The following ANO10 variants were observed in gnomAD, a reference collection of about 807,000 sequenced individuals.
The protein encoded by ANO10 is anoctamin 10.
In ANO10, 77 loss-of-function variants were observed where a neutral mutation model predicts 74.7. The observed-to-expected ratio is 1.03, with a 90% CI of 0.86 to 1.25. The LOEUF (loss-of-function observed/expected upper bound fraction) is 1.25. Ranked by LOEUF, ANO10 falls within the 50% of genes most tolerant of loss-of-function variation. The pLI is 0.00. For missense variants in ANO10, 721 were observed against 778.1 expected, an observed-to-expected ratio of 0.93 and a Z score of 0.87; for synonymous variants, 279 against 284.9, an observed-to-expected ratio of 0.98 and a Z score of 0.21.
chr3:43,653,635 C>A (rs945704596), intron 1 of ANO10, among the ~76,000 whole-genome samples: 11 of 152,064 alleles, frequency 7.2e-5, no homozygotes, highest in Admixed American at 1.3e-4. Context: ...CTTATGAATT[C>A]TTGTGAAAAG....
rs567078589 is a variant in ANO10, at chr3:43,592,759, G to A, written c.472+5773C>T. On this transcript the variant is annotated intron_variant, in intron 4 of 12. Transcript: ENST00000292246. ...AAGCTGCACAGAGAATGACTTTGAC[G>A]AGTTGAGAGAAGAAGGCTTCAGAAG... Among the ~76,000 whole-genome samples the A allele has an allele frequency of 4.7e-4, 71 of 152,316 alleles. No homozygotes were observed. The South Asian group carries it at 6.8e-3, about 15-fold the overall frequency.
At chr3:43,643,769 T>TC (rs2083697001) in intron 1 of ANO10, among the ~76,000 whole-genome samples, 1 of 150,246 alleles carries the variant, frequency 6.7e-6, no homozygotes, top group African/African-American at 2.5e-5. Flanking sequence ...CTGCAAGCTC[T>TC]GCCTCCTGGG....
At chr3:43,530,509 T>C (rs955230401) in intron 11 of ANO10, among the ~76,000 whole-genome samples, 2 of 151,290 alleles carry the variant, frequency 1.3e-5, no homozygotes, top group African/African-American at 4.8e-5. Flanking sequence ...ATAATAGGTA[T>C]GTAGTAGTCT....
At chr3:43,468,751 C>T (rs1251138546) in intron 11 of ANO10, among the ~76,000 whole-genome samples, 1 of 150,020 alleles carries the variant, frequency 6.7e-6, no homozygotes, top group Non-Finnish European at 1.5e-5. Flanking sequence ...CGCTCTGTTG[C>T]CCAGGCTGGA....
intron 1 of ANO10, among the ~76,000 whole-genome samples, chr3:43,642,523 A>G (rs1290057688): frequency 6.6e-6 from 1 of 152,134 alleles, no homozygotes; most frequent in Non-Finnish European, 1.5e-5. Context: ...ATTGGTCCCA[A>G]TTGTTTTCCA....
chr3:43,408,033 T>C (rs961688053), intron 12 of ANO10, among the ~76,000 whole-genome samples: 3 of 151,642 alleles, frequency 2.0e-5, no homozygotes, highest in Non-Finnish European at 4.4e-5. Context: ...AAAACTGGAG[T>C]GGAGAGAAGA....
chr3:43,683,201 T>A (rs2084225176), intron 1 of ANO10, among the ~76,000 whole-genome samples: 1 of 152,054 alleles, frequency 6.6e-6, no homozygotes, highest in Non-Finnish European at 1.5e-5. Flanking sequence ...CAGCCCAAAA[T>A]CTCCTTAAGC....
intron 11 of ANO10, among the ~76,000 whole-genome samples, chr3:43,462,272 C>T (rs748447500): frequency 2.0e-5 from 3 of 152,164 alleles, no homozygotes; most frequent in Non-Finnish European, 4.4e-5. Context: ...TCTTGTCACC[C>T]AGGCTGGAGT....
intron 11 of ANO10, among the ~76,000 whole-genome samples, chr3:43,451,661 T>C (rs2148997293): frequency 6.6e-6 from 1 of 152,262 alleles, no homozygotes; most frequent in East Asian, 1.9e-4. Flanking sequence ...GCAAAAGAAA[T>C]ACAAGACAAT....
intron 9 of ANO10, among the ~76,000 whole-genome samples, chr3:43,557,840 A>G (rs1391756473): frequency 6.6e-6 from 1 of 151,430 alleles, no homozygotes; most frequent in South Asian, 2.1e-4. Context: ...TAGGTCAGGC[A>G]TGGTGGCTCA....
At chr3:43,590,527 A>T (rs767864898) in intron 4 of ANO10, among the ~76,000 whole-genome samples, 2 of 152,216 alleles carry the variant, frequency 1.3e-5, no homozygotes, top group Non-Finnish European at 2.9e-5. Flanking sequence ...TCACCTAAGA[A>T]GAATTCTTGC....
intron 12 of ANO10, among the ~76,000 whole-genome samples, chr3:43,400,417 A>C (rs527993272): frequency 6.6e-6 from 1 of 152,178 alleles, no homozygotes; most frequent in South Asian, 2.1e-4. Context: ...CTGGCTGGGA[A>C]GCTTGGGAAG....
At chr3:43,500,275 C>T (rs1050300947) in intron 11 of ANO10, among the ~76,000 whole-genome samples, 1 of 152,178 alleles carries the variant, frequency 6.6e-6, no homozygotes, top group African/African-American at 2.4e-5. Flanking sequence ...GTGGGTGATG[C>T]AGCAGTCCTT....
intron 2 of ANO10, among the ~76,000 whole-genome samples, chr3:43,604,462 C>A (rs970806465): frequency 6.6e-6 from 1 of 151,878 alleles, no homozygotes; most frequent in Non-Finnish European, 1.5e-5. Context: ...ACTATTCAGC[C>A]GCCTGTTTCC....
intron 11 of ANO10, among the ~76,000 whole-genome samples, chr3:43,537,251 C>T (rs115304875): frequency 0.025 from 3,800 of 152,276 alleles, 62 homozygotes; most frequent in Non-Finnish European, 0.036. Context: ...GAGAGCTCCT[C>T]TTTCCTTGGG....
intron 12 of ANO10, among the ~76,000 whole-genome samples, chr3:43,386,366 T>C (rs894771834): frequency 2.1e-5 from 3 of 140,874 alleles, no homozygotes; most frequent in African/African-American, 7.8e-5. Flanking sequence ...GGAAGGGAAA[T>C]AAAGAGGAAG....
intron 1 of ANO10, among the ~76,000 whole-genome samples, chr3:43,661,975 C>G (rs2083931915): frequency 6.6e-6 from 1 of 152,196 alleles, no homozygotes; most frequent in African/African-American, 2.4e-5. Flanking sequence ...TAACACCCCA[C>G]TGTCAATATT....
At chr3:43,647,022 C>A (rs2083732892) in intron 1 of ANO10, among the ~76,000 whole-genome samples, 2 of 152,198 alleles carry the variant, frequency 1.3e-5, no homozygotes, top group South Asian at 4.2e-4. Flanking sequence ...TTCTCTTCGA[C>A]CTTCCAACTG....
intron 11 of ANO10, among the ~76,000 whole-genome samples, chr3:43,543,174 G>C (rs963278765): frequency 2.6e-5 from 4 of 151,870 alleles, no homozygotes; most frequent in African/African-American, 9.7e-5. Context: ...TCTTAGTTGA[G>C]AGAGAGGAAG....
Sources: allele counts gnomAD v4.1 joint callset (sites outside exome capture counted in the v4.1 genomes callset), GRCh38; gene constraint gnomAD v4.1.1; transcripts MANE v1.5; gene names NCBI Gene and HGNC (gene_info 2026-07-23, HGNC 2026-07-21).